The following TIAM1 variants were observed in gnomAD, a reference collection of about 807,000 sequenced individuals.
The protein encoded by TIAM1 is TIAM Rac1 associated GEF 1.
A neutral mutation model predicts 163.5 loss-of-function variants in TIAM1; 65 were observed. The ratio of observed to expected loss-of-function variants is 0.40; its 90% CI spans 0.33 to 0.49. TIAM1 has a LOEUF of 0.49. Ranked by LOEUF, TIAM1 falls within the 20% of genes least tolerant of loss-of-function variation. TIAM1 has a pLI of 0.77. For missense variants in TIAM1, 1,789 were observed against 2,044.7 expected (o/e 0.87, Z 2.41); for synonymous variants, 833 against 810.1 (o/e 1.03, Z -0.48).
chr21:31,311,245 G>A (rs116085918), intron 2 of TIAM1, among the ~76,000 whole-genome samples: 1,580 of 152,090 alleles, frequency 0.01, 38 homozygotes, highest in African/African-American at 0.036. Context: ...ACCCTCCAAA[G>A]GGGAGCAGGA....
intron 2 of TIAM1, among the ~76,000 whole-genome samples, chr21:31,398,278 G>A (rs914763644): frequency 1.3e-5 from 2 of 151,744 alleles, no homozygotes; most frequent in African/African-American, 2.4e-5. Context: ...TCAGAAAGGC[G>A]TGTAAAATTG....
intron 2 of TIAM1, among the ~76,000 whole-genome samples, chr21:31,296,824 CA>C (rs1170511502): frequency 7.2e-4 from 109 of 152,256 alleles, no homozygotes; most frequent in Middle Eastern, 3.4e-3. Flanking sequence ...CCACCACGCC[CA>C]GCTAATTTTT....
At chr21:31,255,838 G>C (rs774160865) in intron 4 of TIAM1, among the ~76,000 whole-genome samples, 6 of 152,178 alleles carry the variant, frequency 3.9e-5, no homozygotes, top group Non-Finnish European at 8.8e-5. Context: ...CCGTTGAAGA[G>C]ATTTCCGATC....
At chr21:31,418,341 C>CA (rs71193114) in intron 2 of TIAM1, among the ~76,000 whole-genome samples, 5,608 of 34,298 alleles carry the variant, frequency 0.16, 957 homozygotes, top group Non-Finnish European at 0.26. Context: ...GACTCTGTCT[C>CA]AAAAAAAAAA....
chr21:31,124,597 A>C lies in TIAM1; in HGVS notation c.4231T>G (p.Ser1411Ala). The C allele has an allele frequency of 1.2e-6, 2 of 1,613,914 alleles. No homozygotes were observed. The highest frequency in any genetic ancestry group is 1.7e-6 in the Non-Finnish European group (2 of 1,179,928). Residue 1411 changes from serine to alanine, a missense_variant, in exon 27 of 28, where the codon TCC (serine) becomes GCC (alanine). Ser to Ala is a moderately conservative substitution (Grantham distance 99, BLOSUM62 1). Around this residue, in one of 5 missense-constraint regions of TIAM1, gnomAD observed 415 missense variants for 439.2 expected, o/e 0.94. Coordinates refer to ENST00000541036, the MANE Select transcript of TIAM1 (RefSeq NM_001353694.2). ...CCTCCAAAAGGGACATATTGCTGGG[A>C]TGAGGGAAGGCTCTCGGTTTTGAGG... Reference protein sequence around the residue: ...QLLKTESLPSSQQYVPFGGKR... With the variant: ...QLLKTESLPSAQQYVPFGGKR...
At chr21:31,473,521 A>C (rs1010561287) in intron 1 of TIAM1, among the ~76,000 whole-genome samples, 1 of 72,568 alleles carries the variant, frequency 1.4e-5, no homozygotes, top group Non-Finnish European at 3.0e-5. Flanking sequence ...TTTAAGGTTA[A>C]TTTTGTTTTT....
intron 1 of TIAM1, among the ~76,000 whole-genome samples, chr21:31,483,126 T>G (rs774510410): frequency 2.6e-5 from 4 of 152,154 alleles, no homozygotes; most frequent in Non-Finnish European, 5.9e-5. Flanking sequence ...CCTGAAGTCC[T>G]CAGACTTATG....
chr21:31,146,217 G>A (rs1012851544), intron 20 of TIAM1, among the ~76,000 whole-genome samples: 2 of 152,098 alleles, frequency 1.3e-5, no homozygotes, highest in Non-Finnish European at 2.9e-5. Context: ...CGGATCACCT[G>A]AGGTCAGGAA....
chr21:31,281,301 G>GA (rs1360411985), intron 2 of TIAM1, among the ~76,000 whole-genome samples: 1 of 151,970 alleles, frequency 6.6e-6, no homozygotes, highest in Non-Finnish European at 1.5e-5. Flanking sequence ...AAAACCATCA[G>GA]AAAAAATGAG....
intron 2 of TIAM1, among the ~76,000 whole-genome samples, chr21:31,385,035 T>C (rs1241894086): frequency 6.6e-6 from 1 of 152,132 alleles, no homozygotes; most frequent in Non-Finnish European, 1.5e-5. Flanking sequence ...GTTTGGGTCA[T>C]AGGAGATGCC....
At chr21:31,396,894 A>T (rs1161028546) in intron 2 of TIAM1, among the ~76,000 whole-genome samples, 2 of 152,092 alleles carry the variant, frequency 1.3e-5, no homozygotes, top group African/African-American at 4.8e-5. Context: ...GGTTGCAGTG[A>T]ACCGAGATCG....
rs7279379 is a variant in TIAM1, at chr21:31,242,990, C to T, written c.1584+2498G>A. Among the ~76,000 whole-genome samples the T allele has an allele frequency of 3.5e-3, 520 of 150,438 alleles. 2 individuals carry two copies. The highest frequency in any genetic ancestry group is 0.012 in the African/African-American group (490 of 41,202). ...TTACCTGAGGTCAGGAGTTTGAGAC[C>T]AGCCTGACTAACATGGAGAAACCCC... is the stretch of plus-strand genomic sequence containing the variant. On this transcript the variant is annotated intron_variant, in intron 6 of 27. Coordinates refer to ENST00000541036, the MANE Select transcript of TIAM1 (RefSeq NM_001353694.2).
intron 2 of TIAM1, among the ~76,000 whole-genome samples, chr21:31,426,664 T>A (rs1184206677): frequency 6.6e-6 from 1 of 152,192 alleles, no homozygotes; most frequent in Non-Finnish European, 1.5e-5. Context: ...AGCCCAAACA[T>A]TCCACTTTGC....
intron 4 of TIAM1, among the ~76,000 whole-genome samples, chr21:31,264,451 C>T (rs2072647885): frequency 6.6e-6 from 1 of 152,218 alleles, no homozygotes; most frequent in African/African-American, 2.4e-5. Context: ...GAACCAGGCA[C>T]TATGCTTCAC....
At chr21:31,373,640 A>G (rs1423235117) in intron 2 of TIAM1, among the ~76,000 whole-genome samples, 1 of 152,164 alleles carries the variant, frequency 6.6e-6, no homozygotes, top group African/African-American at 2.4e-5. Flanking sequence ...CAGGGAAGAA[A>G]CAGAAAGAGA....
At chr21:31,275,899 T>C (rs2073277722) in intron 3 of TIAM1, among the ~76,000 whole-genome samples, 1 of 152,198 alleles carries the variant, frequency 6.6e-6, no homozygotes, top group African/African-American at 2.4e-5. Context: ...TAATGATTAA[T>C]AATATAAATT....
At chr21:31,473,967 T>C (rs759597815) in intron 1 of TIAM1, among the ~76,000 whole-genome samples, 16 of 152,268 alleles carry the variant, frequency 1.1e-4, no homozygotes, top group Admixed American at 5.2e-4. Flanking sequence ...ACAAGAAGCA[T>C]GGCACCAGCA....
chr21:31,433,526 A>G (rs920590637), intron 2 of TIAM1, among the ~76,000 whole-genome samples: 1 of 152,242 alleles, frequency 6.6e-6, no homozygotes, highest in Non-Finnish European at 1.5e-5. Flanking sequence ...AAGCTAGGGC[A>G]ATGCATACCA....
chr21:31,273,585 C>G (rs150072340), intron 3 of TIAM1, among the ~76,000 whole-genome samples: 71 of 152,342 alleles, frequency 4.7e-4, no homozygotes, highest in African/African-American at 1.4e-3. Flanking sequence ...CACTTACAAT[C>G]TGAACCAAGT....
Sources: allele counts gnomAD v4.1 joint callset (sites outside exome capture counted in the v4.1 genomes callset), GRCh38; gene constraint gnomAD v4.1.1; regional missense constraint gnomAD v4.1.1; transcripts MANE v1.5; gene names NCBI Gene and HGNC (gene_info 2026-07-23, HGNC 2026-07-21).